The following UGDH variants were observed in gnomAD, a reference collection of about 807,000 sequenced individuals.
The protein encoded by UGDH is UDP-Glc dehydrogenase.
UGDH carries 38 observed loss-of-function variants against 50.6 expected under a neutral mutation model. That is an observed-to-expected ratio of 0.75 (90% CI 0.58 to 0.98). The LOEUF (loss-of-function observed/expected upper bound fraction) is 0.98. Among genes scored for constraint, UGDH ranks in the 50% least tolerant of loss-of-function variants. UGDH has a pLI of 0.00. For synonymous variants in UGDH, 168 were observed against 199.9 expected (o/e 0.84, Z 1.35); for missense variants, 465 against 606.2 (o/e 0.77, Z 2.45).
intron 2 of UGDH, among the ~76,000 whole-genome samples, chr4:39,520,782 CAG>C (rs1746620969): frequency 6.6e-6 from 1 of 151,292 alleles, no homozygotes. Flanking sequence ...AATTAGGAAA[CAG>C]GGAAGAAGGC....
chr4:39,510,929 C>A, intron 3 of UGDH, 68 bp from the exon 4 acceptor site: 1 of 1,516,778 alleles, frequency 6.6e-7, no homozygotes. Context: ...ATACCCTGAA[C>A]TACTGGTTAA....
chr4:39,520,068 G>C (rs527450514), intron 2 of UGDH, among the ~76,000 whole-genome samples: 1 of 152,262 alleles, frequency 6.6e-6, no homozygotes, highest in South Asian at 2.1e-4. Context: ...GCCGGGCATG[G>C]TGGCTCACAC....
intron 2 of UGDH, among the ~76,000 whole-genome samples, chr4:39,520,395 A>G (rs1746599311): frequency 6.6e-6 from 1 of 152,218 alleles, no homozygotes; most frequent in Non-Finnish European, 1.5e-5. Flanking sequence ...AAACATATTA[A>G]TGTTAGCTAG....
chr4:39,521,528 A>G lies in UGDH; in HGVS notation c.-7-9T>C, dbSNP rs755687442. 6.3e-7 allele frequency: 1 copy of G among 1,577,010 alleles called. No homozygotes were observed. The highest frequency in any genetic ancestry group is 8.6e-7 in the Non-Finnish European group (1 of 1,162,008). ...TTTCAAACATGATTGTACTAGAAGGAAAACAGTAAGACTGTTCTAGTATTG... is the reference window on the plus strand; with the variant it reads ...TTTCAAACATGATTGTACTAGAAGGGAAACAGTAAGACTGTTCTAGTATTG... On this transcript the variant is annotated splice_polypyrimidine_tract_variant and intron_variant, in intron 1 of 11. Transcript: ENST00000316423.
At chr4:39,500,363 G>C (rs1745751342) in intron 11 of UGDH, 110 bp from the exon 12 acceptor site, 2 of 656,016 alleles carry the variant, frequency 3.0e-6, no homozygotes, top group Non-Finnish European at 5.0e-6. Context: ...CTTAGAAAAG[G>C]ATTCTCAAGT....
intron 1 of UGDH, among the ~76,000 whole-genome samples, chr4:39,524,736 T>C (rs1054134808): frequency 6.6e-6 from 1 of 152,202 alleles, no homozygotes; most frequent in Non-Finnish European, 1.5e-5. Flanking sequence ...CTCAAGCTCC[T>C]GACCTCAGTT....
At chr4:39,514,708 AG>A (rs1395771616) in intron 2 of UGDH, among the ~76,000 whole-genome samples, 9 of 140,952 alleles carry the variant, frequency 6.4e-5, no homozygotes, top group African/African-American at 2.4e-4. Context: ...TTTGAGACAG[AG>A]CCTCTTTCTG....
At chr4:39,515,103 T>G (rs910784833) in intron 2 of UGDH, among the ~76,000 whole-genome samples, 18 of 152,208 alleles carry the variant, frequency 1.2e-4, no homozygotes, top group Admixed American at 1.0e-3. Context: ...CCTCCTAAAG[T>G]GCTGGGATTA....
intron 1 of UGDH, 118 bp downstream of exon 1, chr4:39,527,165 C>CCAG: frequency 1.6e-6 from 2 of 1,277,326 alleles, no homozygotes; most frequent in Non-Finnish European, 2.0e-6. Flanking sequence ...AGCCCGGGAC[C>CCAG]CAGCGCAGCG....
At chr4:39,518,934 G>A (rs1015995695) in intron 2 of UGDH, among the ~76,000 whole-genome samples, 3 of 151,998 alleles carry the variant, frequency 2.0e-5, no homozygotes, top group East Asian at 3.9e-4. Flanking sequence ...TTACTTATTT[G>A]GAGACAGAGT....
intron 9 of UGDH, 34 bp downstream of exon 9, chr4:39,505,203 G>T (rs1358862889): frequency 1.3e-6 from 2 of 1,561,634 alleles, no homozygotes; most frequent in Admixed American, 2.1e-5. Context: ...TTCAGGTCTG[G>T]ACTCAAAATG....
intron 2 of UGDH, among the ~76,000 whole-genome samples, chr4:39,520,411 G>A (rs1746600145): frequency 6.6e-6 from 1 of 152,038 alleles, no homozygotes. Context: ...GCTAGAAAAT[G>A]CTACCATCAA....
At chr4:39,514,025 G>T in intron 3 of UGDH, 58 bp downstream of exon 3, 1 of 1,378,278 alleles carries the variant, frequency 7.3e-7, no homozygotes, top group Non-Finnish European at 1.0e-6. Flanking sequence ...AAAGTATGAT[G>T]AAACTTTTAT....
At chr4:39,523,141 C>A (rs927033609) in intron 1 of UGDH, among the ~76,000 whole-genome samples, 3 of 152,006 alleles carry the variant, frequency 2.0e-5, no homozygotes, top group Non-Finnish European at 4.4e-5. Flanking sequence ...TTACAACCTC[C>A]GCCTCCTGGG....
intron 1 of UGDH, among the ~76,000 whole-genome samples, chr4:39,523,060 A>AT (rs983875856): frequency 2.0e-5 from 3 of 150,776 alleles, no homozygotes; most frequent in South Asian, 4.2e-4. Context: ...CACGGTATTT[A>AT]TTTTTTTTGA....
At chr4:39,504,091 G>A (rs1281519560) in intron 10 of UGDH, 106 bp from the exon 11 acceptor site, 3 of 855,254 alleles carry the variant, frequency 3.5e-6, no homozygotes, top group Admixed American at 2.3e-5. Flanking sequence ...GGTGGATCAC[G>A]AGGTCAGGAG....
intron 11 of UGDH, among the ~76,000 whole-genome samples, chr4:39,502,923 T>A (rs1224935295): frequency 1.3e-5 from 2 of 151,362 alleles, no homozygotes; most frequent in East Asian, 1.9e-4. Flanking sequence ...ATTTTTATTA[T>A]TTTTTTTTCC....
At chr4:39,516,088 C>G (rs1293523368) in intron 2 of UGDH, among the ~76,000 whole-genome samples, 1 of 152,146 alleles carries the variant, frequency 6.6e-6, no homozygotes, top group East Asian at 1.9e-4. Context: ...GGCTACCAGC[C>G]TGGGCAACAT....
intron 3 of UGDH, 108 bp downstream of exon 3, chr4:39,513,975 C>T: frequency 1.1e-6 from 1 of 914,660 alleles, no homozygotes; most frequent in Non-Finnish European, 1.7e-6. Context: ...CAACTCTATA[C>T]TAAGCAATGT....
Sources: gnomAD v4.1 joint callset for allele counts (sites outside exome capture counted in the v4.1 genomes callset) on GRCh38, gnomAD v4.1.1 for gene constraint, MANE v1.5 for transcripts, NCBI Gene and HGNC (gene_info 2026-07-23, HGNC 2026-07-21) for gene names.